PDE1A: variants seen among roughly 807,000 people sequenced by gnomAD.
The protein encoded by PDE1A is dual specificity calcium/calmodulin-dependent 3',5'-cyclic nucleotide phosphodiesterase 1A.
PDE1A carries 35 observed loss-of-function variants against 61.7 expected under a neutral mutation model. That is an observed-to-expected ratio of 0.57 (90% CI 0.43 to 0.75). The LOEUF is 0.75. Among genes scored for constraint, PDE1A ranks in the 30% least tolerant of loss-of-function variants. PDE1A has a pLI of 0.00. For missense variants in PDE1A, 597 were observed against 630.6 expected (o/e 0.95, Z 0.57); for synonymous variants, 232 against 213.2 (o/e 1.09, Z -0.77).
chr2:182,692,210 A>C, the PDE1A span, among the ~76,000 whole-genome samples: 1 of 152,118 alleles, frequency 6.6e-6, no homozygotes, highest in Admixed American at 6.6e-5. Flanking sequence ...TGCTGCTATA[A>C]AGACACACAC....
chr2:182,187,464 G>A (rs1574616280), intron 11 of PDE1A, among the ~76,000 whole-genome samples: 1 of 152,156 alleles, frequency 6.6e-6, no homozygotes, highest in East Asian at 1.9e-4. Context: ...AAACACTTCT[G>A]AGAGCAATGG....
At chr2:182,154,579 T>C (rs922832060) in intron 13 of PDE1A, among the ~76,000 whole-genome samples, 11 of 152,196 alleles carry the variant, frequency 7.2e-5, no homozygotes, top group Admixed American at 2.0e-4. Flanking sequence ...TCTCACGAGA[T>C]CTGATGGTTT....
At chr2:182,554,840 T>C in the PDE1A span, among the ~76,000 whole-genome samples, 19 of 152,272 alleles carry the variant, frequency 1.2e-4, no homozygotes, top group African/African-American at 3.4e-4. Context: ...GGTTTCATAA[T>C]ATAATTTAGC....
At chr2:182,340,169 A>T (rs1443819490) in intron 1 of PDE1A, among the ~76,000 whole-genome samples, 6 of 152,188 alleles carry the variant, frequency 3.9e-5, no homozygotes, top group Admixed American at 3.9e-4. Context: ...TTTCAAAATA[A>T]GCAAATGGCT....
At chr2:182,467,080 GATA>G (rs1686720779) in intron 2 of PDE1A, among the ~76,000 whole-genome samples, 1 of 150,290 alleles carries the variant, frequency 6.7e-6, no homozygotes, top group Admixed American at 6.7e-5. Context: ...AAAAGGAAGG[GATA>G]AAGGAAAAGA....
chr2:182,636,960 T>C, the PDE1A span, among the ~76,000 whole-genome samples: 5 of 152,344 alleles, frequency 3.3e-5, no homozygotes, highest in South Asian at 1.0e-3. Context: ...CAATGGCGGG[T>C]TGAATACCTC....
In PDE1A at chr2:182,297,133, G is replaced by T. The variant is rs193008809; in HGVS notation, c.54-32719C>A. On this transcript the variant is annotated intron_variant, in intron 1 of 13. Coordinates refer to ENST00000351439, the Ensembl canonical transcript of PDE1A. ...TATCCTCTTGGTTCTGTTCTTTGGA[G>T]AACACTGACTAATATGATATATTAT... is the stretch of plus-strand genomic sequence containing the variant. Among the ~76,000 whole-genome samples, 132 of 152,192 alleles carry T rather than the reference G, an allele frequency of 8.7e-4. 1 individual carries two copies. The highest frequency in any genetic ancestry group is 6.8e-3 in the Middle Eastern group (2 of 294).
chr2:182,640,385 T>C, the PDE1A span, among the ~76,000 whole-genome samples: 8 of 152,178 alleles, frequency 5.3e-5, no homozygotes, highest in African/African-American at 1.9e-4. Context: ...TCTGAAGTTA[T>C]TGAAATGATA....
At chr2:182,403,917 G>A (rs903583237) in intron 1 of PDE1A, among the ~76,000 whole-genome samples, 3 of 151,992 alleles carry the variant, frequency 2.0e-5, no homozygotes, top group African/African-American at 7.3e-5. Flanking sequence ...AACCACTATG[G>A]CACGTGTATA....
chr2:182,407,676 C>A (rs185672508), intron 1 of PDE1A, among the ~76,000 whole-genome samples: 1 of 152,076 alleles, frequency 6.6e-6, no homozygotes. Flanking sequence ...CCACCGTGCC[C>A]GGCCAACATA....
At chr2:182,402,800 G>A (rs2125459120) in intron 1 of PDE1A, among the ~76,000 whole-genome samples, 1 of 152,234 alleles carries the variant, frequency 6.6e-6, no homozygotes, top group South Asian at 2.1e-4. Flanking sequence ...CTAATATCCA[G>A]AATCTACAAA....
chr2:182,339,868 G>C (rs1698070990), intron 1 of PDE1A, among the ~76,000 whole-genome samples: 1 of 152,238 alleles, frequency 6.6e-6, no homozygotes, highest in Middle Eastern at 3.4e-3. Context: ...GTGAAAGAGG[G>C]AGAAGAGTTT....
intron 3 of PDE1A, among the ~76,000 whole-genome samples, chr2:182,236,601 T>C (rs1046329993): frequency 1.2e-4 from 18 of 152,246 alleles, no homozygotes; most frequent in African/African-American, 4.3e-4. Flanking sequence ...TTGGAAACTA[T>C]TTAATGTCAT....
downstream of PDE1A, among the ~76,000 whole-genome samples, chr2:182,146,686 A>C (rs936889027): frequency 1.3e-5 from 2 of 151,980 alleles, no homozygotes; most frequent in Non-Finnish European, 2.9e-5. Context: ...GGATTTCACT[A>C]TGTTGGCCGG....
chr2:182,699,271 A>G, the PDE1A span, among the ~76,000 whole-genome samples: 4 of 152,232 alleles, frequency 2.6e-5, no homozygotes, highest in East Asian at 7.7e-4. Flanking sequence ...AAAGCAAGTC[A>G]TTCTATTGCT....
chr2:182,552,744 A>T, the PDE1A span, among the ~76,000 whole-genome samples: 1 of 152,138 alleles, frequency 6.6e-6, no homozygotes, highest in Non-Finnish European at 1.5e-5. Flanking sequence ...AAGGATCGGG[A>T]TATAAACCCA....
chr2:182,497,916 GGCA>G (rs1266952631), intron 2 of PDE1A, among the ~76,000 whole-genome samples: 1 of 151,928 alleles, frequency 6.6e-6, no homozygotes, highest in Non-Finnish European at 1.5e-5. Context: ...CGTGGTGGCA[GGCA>G]CCTGTAGTCC....
the PDE1A span, among the ~76,000 whole-genome samples, chr2:182,684,370 G>GA: frequency 1.6e-4 from 24 of 151,846 alleles, no homozygotes; most frequent in African/African-American, 5.8e-4. Flanking sequence ...AAATAGCTGA[G>GA]AAAAAATAAG....
intron 2 of PDE1A, among the ~76,000 whole-genome samples, chr2:182,435,577 T>C (rs146479634): frequency 1.4e-4 from 21 of 152,214 alleles, no homozygotes; most frequent in Non-Finnish European, 2.6e-4. Flanking sequence ...ACATGTTCCA[T>C]GTGATATCAA....
Sources: allele counts gnomAD v4.1 joint callset (sites outside exome capture counted in the v4.1 genomes callset), GRCh38; gene constraint gnomAD v4.1.1; transcripts MANE v1.5; gene names NCBI Gene and HGNC (gene_info 2026-07-23, HGNC 2026-07-21).